Variants in GNG8 observed in about 807,000 individuals in gnomAD.
GNG8 encodes the protein G protein subunit gamma 8.
GNG8 carries 3 observed loss-of-function variants against 4.6 expected under a neutral mutation model. The observed-to-expected ratio is 0.65, with a 90% CI of 0.29 to 1.67. GNG8 has a LOEUF of 1.67. Among genes scored for constraint, GNG8 ranks in the 40% most tolerant of loss-of-function variants. The pLI is 0.10. For missense variants in GNG8, 88 were observed against 95.2 expected, an observed-to-expected ratio of 0.92 and a Z score of 0.32; for synonymous variants, 32 against 40.5, an observed-to-expected ratio of 0.79 and a Z score of 0.80.
At chr19:46,638,354 A>G (rs1205986083), upstream of GNG8, 1 of 153,026 alleles carries the variant, frequency 6.5e-6, no homozygotes, top group Non-Finnish European at 1.5e-5. This position sits in a 1 kb window ranked among gnomAD's most constrained non-coding sequence, Gnocchi z 4.7. Flanking sequence ...ACATAATCTC[A>G]TATCAATCAG....
intron 1 of GNG8, 86 bp from the exon 2 acceptor site, chr19:46,634,811 G>GC: frequency 1.4e-6 from 1 of 689,668 alleles, no homozygotes. Context: ...GTGGAAGGGC[G>GC]CGTGAATGGG....
chr19:46,638,069 A>G (rs1366219593), upstream of GNG8: 1 of 153,072 alleles, frequency 6.5e-6, no homozygotes, highest in Middle Eastern at 3.4e-3. This position sits in a 1 kb window ranked among gnomAD's most constrained non-coding sequence, Gnocchi z 4.7. Context: ...TGTGTGACAC[A>G]CACAGCACCG....
upstream of GNG8, chr19:46,638,516 T>A (rs2052882561): frequency 6.5e-6 from 1 of 153,174 alleles, no homozygotes; most frequent in South Asian, 2.0e-4. This position sits in a 1 kb window ranked among gnomAD's most constrained non-coding sequence, Gnocchi z 4.7. Flanking sequence ...CTCACAGCAG[T>A]ACACACTCAC....
upstream of GNG8, chr19:46,638,135 C>T (rs994944575): frequency 6.5e-6 from 1 of 153,134 alleles, no homozygotes; most frequent in African/African-American, 2.4e-5. The surrounding 1 kb of genome is among the most constrained non-coding windows in gnomAD (Gnocchi z 4.7). Context: ...CGCACCGTCA[C>T]ACACGGTCTC....
In GNG8 at chr19:46,636,177, G is replaced by A. The variant is rs2052867399; in HGVS notation, c.-74C>T. Among the ~76,000 whole-genome samples, 1 of 152,060 alleles carries A rather than the reference G, an allele frequency of 6.6e-6. No homozygotes were observed. Among genetic ancestry groups the A allele is most frequent in the African/African-American group, 2.4e-5 (1 of 41,396 alleles). On this transcript the variant is annotated 5_prime_UTR_variant, in exon 1 of 3. Coordinates refer to ENST00000693335, the MANE Select transcript of GNG8 (RefSeq NM_033258.2). Reference sequence around the variant, plus strand: ...GCTGCTCTGGGCCGGGCTCGCGGCGGTGACAGAGGCTGGGAGGCAGCGTCT... The same window carrying A: ...GCTGCTCTGGGCCGGGCTCGCGGCGATGACAGAGGCTGGGAGGCAGCGTCT...
At chr19:46,635,252 G>T (rs2052858270) in intron 1 of GNG8, among the ~76,000 whole-genome samples, 1 of 151,704 alleles carries the variant, frequency 6.6e-6, no homozygotes, top group South Asian at 2.1e-4. Context: ...GAGGGCTGGG[G>T]GAGCCCAACT....
At chr19:46,634,877 C>A (rs1397344090) in intron 1 of GNG8, among the ~76,000 whole-genome samples, 152 bp from the exon 2 acceptor site, 1 of 149,502 alleles carries the variant, frequency 6.7e-6, no homozygotes, top group East Asian at 2.0e-4. Flanking sequence ...ACAAGAGGAG[C>A]GATGGAGGGG....
Position 46,633,958 on chromosome 19 carries a change from C to T in GNG8, c.*118G>A. 8.2e-7 allele frequency: 1 copy of T among 1,225,316 alleles called. No individual in the cohort carries two copies. The highest frequency in any genetic ancestry group is 1.5e-5 in the South Asian group (1 of 68,412). 75.9% of individuals were successfully genotyped at this position (1,225,316 alleles called of 1,614,324 possible). ...GGAATGAGAACGGACACAGCTTCCC[C>T]TACGGTGGCCCCAAGCTCTGTGCGT... On this transcript the variant is annotated 3_prime_UTR_variant, in exon 3 of 3. Transcript: ENST00000693335.
chr19:46,638,094 T>G (rs1322090522), upstream of GNG8: 1 of 153,192 alleles, frequency 6.5e-6, no homozygotes, highest in Non-Finnish European at 1.5e-5. This position sits in a 1 kb window ranked among gnomAD's most constrained non-coding sequence, Gnocchi z 4.7. Flanking sequence ...CTCACCATGT[T>G]GCACACAGCC....
In GNG8 at chr19:46,635,737, A is replaced by T; in HGVS notation, c.-44+410T>A. On this transcript the variant is annotated intron_variant, in intron 1 of 2. Transcript: ENST00000693335. ...GGGAGGGGGTGTGGGGTGGGAGAGG[A>T]TGGAGGAGATGGAGGGAGGGGGTGT... Among the ~76,000 whole-genome samples, 2 of 4,454 alleles carry T rather than the reference A, an allele frequency of 4.5e-4. 1 individual carries two copies. Among genetic ancestry groups the T allele is most frequent in the South Asian group, 0.027 (2 of 74 alleles). The allele number at this position is 4,454 out of a possible 152,430, so 2.9% of individuals were successfully genotyped here. A position where few individuals can be genotyped will look rare whatever the true frequency, so the allele number is the denominator to read the frequency against.
chr19:46,638,351 C>G (rs1256260287), upstream of GNG8: 2 of 153,078 alleles, frequency 1.3e-5, no homozygotes, highest in African/African-American at 2.4e-5. The surrounding 1 kb of genome is among the most constrained non-coding windows in gnomAD (Gnocchi z 4.7). Context: ...CGCACATAAT[C>G]TCATATCAAT....
Position 46,634,688 on chromosome 19 carries a change from C to A in GNG8, c.-6G>T. On this transcript the variant is annotated 5_prime_UTR_variant, in exon 2 of 3. Transcript: ENST00000693335. The stretch of plus-strand genomic sequence containing the variant: ...TTGGCCATGTTGTTGGACATGGTTG[C>A]GGCGGGGAAGGGGTTAAAAGACGCG... 6.2e-7 allele frequency: 1 copy of A among 1,612,084 alleles called. No individual in the cohort carries two copies.
upstream of GNG8, chr19:46,637,515 CAA>C (rs1352997563): frequency 1.1e-4 from 17 of 152,628 alleles, no homozygotes; most frequent in Admixed American, 1.1e-3. Flanking sequence ...TGCACAGCCG[CAA>C]ACTCTCGCAT....
intron 2 of GNG8, 63 bp from the exon 3 acceptor site, chr19:46,634,267 C>A: frequency 6.5e-7 from 1 of 1,530,012 alleles, no homozygotes; most frequent in South Asian, 1.2e-5. Flanking sequence ...CCCACTTAGG[C>A]CCCGCCTCTT....
rs1470374901 is a variant in GNG8, at chr19:46,634,206, T to C, written c.85-2A>G. On this transcript the variant is annotated splice_acceptor_variant, in intron 2 of 2. Coordinates refer to ENST00000693335, the MANE Select transcript of GNG8 (RefSeq NM_033258.2). LOFTEE classifies it high-confidence loss of function. ...GAGTTCCGCTGCTGCCTGCGACACC[T>C]GCGAGCACCCGGGTGGAGATGTCAC... 6.2e-7 allele frequency: 1 copy of C among 1,604,296 alleles called. No individual in the cohort carries two copies. Among genetic ancestry groups the C allele is most frequent in the Non-Finnish European group, 8.5e-7 (1 of 1,175,810 alleles).
rs1456929617 is a variant in GNG8, at chr19:46,634,198, G to A, written c.91C>T (p.Gln31Ter). 5.6e-6 allele frequency: 9 copies of A among 1,608,058 alleles called. No homozygotes were observed. The highest frequency in any genetic ancestry group is 1.3e-5 in the African/African-American group (1 of 74,226). ...AAAGCCAGGAGTTCCGCTGCTGCCT[G>A]CGACACCTGCGAGCACCCGGGTGGA... The part of the protein sequence containing the change: ...EVNIDRMKVS[Q>*]AAAELLAFCE... The change falls in exon 3 of 3, where the codon CAG (glutamine) becomes TAG (stop). Residue 31 changes from glutamine (Q) to a stop codon, truncating the protein, a stop_gained. Coordinates refer to ENST00000693335, the MANE Select transcript of GNG8 (RefSeq NM_033258.2). LOFTEE classifies it high-confidence loss of function.
In GNG8 at chr19:46,634,088, A is replaced by T. The variant is rs915354416; in HGVS notation, c.201T>A (p.Cys67Ter). Residue 67 changes from cysteine (C) to a stop codon, truncating the protein, a stop_gained, in exon 3 of 3, where the codon TGT becomes TGA. Transcript: ENST00000693335. LOFTEE classifies it high-confidence loss of function. ...ENPFRDKRLF[C>*]VLL is the part of the protein sequence containing the mutation. ...CTGTCCGGAGGGCTCAGAGCAGAAC[A>T]CAAAAGAGGCGCTTGTCGCGGAAGG... 3.1e-6 allele frequency: 5 copies of T among 1,613,680 alleles called. No homozygotes were observed. Among genetic ancestry groups the T allele is most frequent in the Non-Finnish European group, 4.2e-6 (5 of 1,179,828 alleles).
At chr19:46,637,763 T>A (rs2052877828), upstream of GNG8, 1 of 127,364 alleles carries the variant, frequency 7.9e-6, no homozygotes, top group Non-Finnish European at 1.6e-5. Flanking sequence ...CTTTTATTTT[T>A]ATTTTGGTAG....
upstream of GNG8, chr19:46,639,182 TGGGGACCCGAC>T (rs774890562): frequency 1.3e-5 from 2 of 150,408 alleles, no homozygotes; most frequent in Non-Finnish European, 3.0e-5. The surrounding 1 kb of genome is among the most constrained non-coding windows in gnomAD (Gnocchi z 5.2). Flanking sequence ...CGCCTTCCAG[TGGGGACCCGAC>T]GACGGAGGCG....
Sources: gnomAD v4.1 joint callset for allele counts (sites outside exome capture counted in the v4.1 genomes callset) on GRCh38, gnomAD v4.1.1 for gene constraint, Gnocchi (gnomAD v3.1) non-coding constraint, MANE v1.5 for transcripts, NCBI Gene and HGNC (gene_info 2026-07-23, HGNC 2026-07-21) for gene names.